Variants in IQGAP2 observed in about 807,000 individuals in gnomAD.
The protein encoded by IQGAP2 is IQ motif containing GTPase activating protein 2.
IQGAP2 carries 173 observed loss-of-function variants against 201.3 expected under a neutral mutation model. The ratio of observed to expected loss-of-function variants is 0.86; its 90% CI spans 0.76 to 0.98. The LOEUF is 0.98. Among genes scored for constraint, IQGAP2 ranks in the 50% least tolerant of loss-of-function variants. The pLI is 0.00. For synonymous variants in IQGAP2, 675 were observed against 673.9 expected (o/e 1.00, Z -0.03); for missense variants, 1,687 against 1,864.8 (o/e 0.90, Z 1.76).
chr5:76,463,728 T>A (rs1232507502), intron 2 of IQGAP2, among the ~76,000 whole-genome samples: 1 of 152,370 alleles, frequency 6.6e-6, no homozygotes, highest in South Asian at 2.1e-4. Context: ...AAAATAATTA[T>A]CAAAATGTAC....
chr5:76,671,325 A>G (rs879888493), intron 23 of IQGAP2, among the ~76,000 whole-genome samples: 2 of 152,212 alleles, frequency 1.3e-5, no homozygotes, highest in Admixed American at 1.3e-4. Flanking sequence ...ACCAACTTAG[A>G]TTTTCATAGA....
chr5:76,508,306 C>T (rs778601533), intron 2 of IQGAP2, among the ~76,000 whole-genome samples: 6 of 151,872 alleles, frequency 4.0e-5, no homozygotes, highest in Non-Finnish European at 7.4e-5. Flanking sequence ...GTGACAGAGC[C>T]AGACTCCCAT....
chr5:76,511,743 C>G (rs548807497), intron 2 of IQGAP2, among the ~76,000 whole-genome samples: 2 of 150,922 alleles, frequency 1.3e-5, no homozygotes, highest in African/African-American at 2.4e-5. Context: ...TGCAGTGGCG[C>G]GATCTCGGCT....
chr5:76,541,647 G>A (rs952303828), intron 2 of IQGAP2, among the ~76,000 whole-genome samples: 3 of 152,160 alleles, frequency 2.0e-5, no homozygotes, highest in Admixed American at 2.0e-4. Flanking sequence ...CCCACTAACA[G>A]TTCATAAGTG....
intron 9 of IQGAP2, among the ~76,000 whole-genome samples, chr5:76,594,045 T>C (rs1026249360): frequency 3.3e-5 from 5 of 152,226 alleles, no homozygotes; most frequent in Non-Finnish European, 7.4e-5. Flanking sequence ...CTGAAAACTC[T>C]CAATTGCCTT....
At chr5:76,497,306 C>T (rs1314881744) in intron 2 of IQGAP2, among the ~76,000 whole-genome samples, 1 of 152,196 alleles carries the variant, frequency 6.6e-6, no homozygotes, top group Non-Finnish European at 1.5e-5. Flanking sequence ...TCTTTGAAAA[C>T]GTGGCTGTCT....
In IQGAP2 at chr5:76,496,746, TTTCTTTCTTTC is replaced by T. The variant is rs1561416332; in HGVS notation, c.146+35080_146+35090del. 6.9e-4 allele frequency among the ~76,000 whole-genome samples: 39 copies of T among 56,918 alleles called. 2 individuals are homozygous for T. The highest frequency in any genetic ancestry group is 2.3e-3 in the African/African-American group (29 of 12,492). The allele number at this position is 56,918 out of a possible 152,430, so 37.3% of individuals were successfully genotyped here. On this transcript the variant is annotated intron_variant, in intron 2 of 35. Transcript: ENST00000274364. ...TTTCTTTTCTTTCTTTCTTTCTTTCTTTCTTTCTTTCTTTCTTTCTTTCTTTCTTTCTTTCT... is the reference window on the plus strand; with the variant it reads ...TTTCTTTTCTTTCTTTCTTTCTTTCTTTTCTTTCTTTCTTTCTTTCTTTCT...
intron 2 of IQGAP2, among the ~76,000 whole-genome samples, chr5:76,561,257 A>C (rs899514145): frequency 6.6e-6 from 1 of 152,166 alleles, no homozygotes; most frequent in Admixed American, 6.5e-5. Flanking sequence ...CTGGATTCCA[A>C]TTTTATAGTG....
At chr5:76,423,450 G>T (rs1580159284) in intron 1 of IQGAP2, among the ~76,000 whole-genome samples, 1 of 152,114 alleles carries the variant, frequency 6.6e-6, no homozygotes, top group African/African-American at 2.4e-5. Flanking sequence ...GTGAAACCCC[G>T]TTTCTACTAA....
Position 76,589,654 on chromosome 5 carries a change from A to G in IQGAP2, c.566A>G (p.Tyr189Cys). 6.2e-7 allele frequency: 1 copy of G among 1,608,554 alleles called. No homozygotes were observed. Among genetic ancestry groups the G allele is most frequent in the Admixed American group, 1.7e-5 (1 of 59,556 alleles). ...ISNMRKELEK[Y>C]GIQMPSFSKI... Reference sequence around the variant, plus strand: ...AATATGAGAAAAGAACTTGAGAAATATGGAATACAGATGCCATCTTTCAGC... The same window carrying G: ...AATATGAGAAAAGAACTTGAGAAATGTGGAATACAGATGCCATCTTTCAGC... The change falls in exon 7 of 36, where the codon TAT becomes TGT. Residue 189 changes from tyrosine to cysteine, a missense_variant. Tyr to Cys is a radical substitution (Grantham distance 194). Transcript: ENST00000274364.
At chr5:76,497,192 A>T (rs971244684) in intron 2 of IQGAP2, among the ~76,000 whole-genome samples, 1 of 152,190 alleles carries the variant, frequency 6.6e-6, no homozygotes, top group Non-Finnish European at 1.5e-5. Context: ...AATAATACTG[A>T]TTGGAAAGCA....
At chr5:76,510,523 G>T (rs893950042) in intron 2 of IQGAP2, 2 of 381,030 alleles carry the variant, frequency 5.2e-6, no homozygotes, top group East Asian at 1.6e-4. Context: ...TCATCTGGCT[G>T]CTGCCATCTG....
At chr5:76,558,826 G>T in intron 2 of IQGAP2, among the ~76,000 whole-genome samples, 1 of 152,232 alleles carries the variant, frequency 6.6e-6, no homozygotes, top group South Asian at 2.1e-4. Context: ...CCACCACTAT[G>T]TGGCTGACTC....
At chr5:76,611,491 C>T (rs992194918) in intron 13 of IQGAP2, among the ~76,000 whole-genome samples, 1 of 152,174 alleles carries the variant, frequency 6.6e-6, no homozygotes, top group Non-Finnish European at 1.5e-5. Flanking sequence ...CAGTCCATAG[C>T]TTCTGGTAGA....
chr5:76,511,861 T>G (rs972757484), intron 2 of IQGAP2, among the ~76,000 whole-genome samples: 1 of 151,968 alleles, frequency 6.6e-6, no homozygotes, highest in Non-Finnish European at 1.5e-5. Flanking sequence ...TTTGTATTTT[T>G]AGTAGAGACG....
intron 2 of IQGAP2, among the ~76,000 whole-genome samples, chr5:76,523,891 C>T (rs1185591209): frequency 1.3e-5 from 2 of 152,140 alleles, no homozygotes; most frequent in South Asian, 2.1e-4. Context: ...CTCTCCACCT[C>T]GGACACACTG....
chr5:76,431,236 G>A (rs143512167), intron 1 of IQGAP2, among the ~76,000 whole-genome samples: 52 of 151,754 alleles, frequency 3.4e-4, no homozygotes, highest in African/African-American at 1.2e-3. Flanking sequence ...GATGTATTAC[G>A]TTTTCCTATA....
chr5:76,485,069 G>A (rs1399292775), intron 2 of IQGAP2, among the ~76,000 whole-genome samples: 1 of 152,126 alleles, frequency 6.6e-6, no homozygotes, highest in African/African-American at 2.4e-5. Context: ...GCAATCCTCT[G>A]ACTTGGCCTC....
intron 1 of IQGAP2, among the ~76,000 whole-genome samples, chr5:76,418,386 A>G (rs1751533999): frequency 6.6e-6 from 1 of 152,028 alleles, no homozygotes; most frequent in Non-Finnish European, 1.5e-5. Context: ...TTTTGAAAAC[A>G]GAAGTTAATA....
Sources: gnomAD v4.1 joint callset for allele counts (sites outside exome capture counted in the v4.1 genomes callset) on GRCh38, gnomAD v4.1.1 for gene constraint, MANE v1.5 for transcripts, NCBI Gene and HGNC (gene_info 2026-07-23, HGNC 2026-07-21) for gene names.